Variants in RTN1 observed in about 807,000 individuals in gnomAD.
RTN1 encodes the protein reticulon-1.
Under a neutral mutation model 65.5 loss-of-function variants are expected in RTN1, and 25 were observed. The ratio of observed to expected loss-of-function variants is 0.38; its 90% CI spans 0.28 to 0.53. RTN1 has a LOEUF of 0.53. Ranked by LOEUF, RTN1 falls within the 20% of genes least tolerant of loss-of-function variation. The pLI is 0.79. For missense variants in RTN1, 983 were observed against 1,025.4 expected, an observed-to-expected ratio of 0.96 and a Z score of 0.57; for synonymous variants, 471 against 447.6, an observed-to-expected ratio of 1.05 and a Z score of -0.66.
chr14:59,677,984 C>A (rs1334631546), intron 3 of RTN1, among the ~76,000 whole-genome samples: 3 of 152,200 alleles, frequency 2.0e-5, no homozygotes, highest in Admixed American at 2.0e-4. Flanking sequence ...TTCTCACTCC[C>A]AGGATCTTGG....
intron 1 of RTN1, among the ~76,000 whole-genome samples, chr14:59,826,745 C>A (rs1887038133): frequency 6.6e-6 from 1 of 152,158 alleles, no homozygotes; most frequent in African/African-American, 2.4e-5. Flanking sequence ...TTATTGAGTA[C>A]CTACTCTGTG....
At chr14:59,860,230 G>A (rs745900635) in intron 1 of RTN1, among the ~76,000 whole-genome samples, 41 of 152,338 alleles carry the variant, frequency 2.7e-4, no homozygotes, top group Admixed American at 1.4e-3. Context: ...TAGGGACTTG[G>A]TGCCCTGCTT....
intron 3 of RTN1, among the ~76,000 whole-genome samples, chr14:59,688,565 C>G (rs1394652959): frequency 6.6e-6 from 1 of 152,154 alleles, no homozygotes; most frequent in East Asian, 1.9e-4. Flanking sequence ...GAGAACTTCT[C>G]CCGGTAAGCA....
intron 1 of RTN1, among the ~76,000 whole-genome samples, chr14:59,850,717 C>T (rs1456473376): frequency 1.3e-5 from 2 of 152,132 alleles, no homozygotes; most frequent in Non-Finnish European, 1.5e-5. Flanking sequence ...ATGCAAATAA[C>T]AATAATTGAT....
At chr14:59,828,302 T>C (rs1887068244) in intron 1 of RTN1, among the ~76,000 whole-genome samples, 1 of 152,218 alleles carries the variant, frequency 6.6e-6, no homozygotes, top group Non-Finnish European at 1.5e-5. Flanking sequence ...TTGGGTTAAC[T>C]ATACATCATT....
At chr14:59,633,417 T>G (rs535553476) in intron 3 of RTN1, among the ~76,000 whole-genome samples, 1 of 152,384 alleles carries the variant, frequency 6.6e-6, no homozygotes, top group African/African-American at 2.4e-5. Flanking sequence ...CCTCTCATAA[T>G]TATAATACAA....
Position 59,816,335 on chromosome 14 carries a change from C to T in RTN1, c.241+54055G>A, listed in dbSNP as rs1361161840. On this transcript the variant is annotated intron_variant, in intron 1 of 8. Transcript: ENST00000267484. The surrounding 1 kb of genome is among the most constrained non-coding windows in gnomAD (Gnocchi z 4.3). Reference sequence around the variant, plus strand: ...TTCCCTGGAAGCCTCTGTCCACTCTCGCCCATCTCCACTTTGTCCATTTCT... The same window carrying T: ...TTCCCTGGAAGCCTCTGTCCACTCTTGCCCATCTCCACTTTGTCCATTTCT... Among the ~76,000 whole-genome samples, 1 of 152,110 alleles carries T rather than the reference C, an allele frequency of 6.6e-6. No homozygotes were observed. The highest frequency in any genetic ancestry group is 1.5e-5 in the Non-Finnish European group (1 of 68,022).
intron 1 of RTN1, among the ~76,000 whole-genome samples, chr14:59,773,504 CA>C (rs1447741893): frequency 6.6e-6 from 1 of 152,082 alleles, no homozygotes; most frequent in Non-Finnish European, 1.5e-5. Context: ...TTAACCACAG[CA>C]ATATTTATTT....
chr14:59,745,656 G>A, intron 2 of RTN1, 52 bp downstream of exon 2: 1 of 1,448,692 alleles, frequency 6.9e-7, no homozygotes, highest in East Asian at 2.3e-5. Flanking sequence ...TTTAGGGATT[G>A]AGATTTCCAT....
intron 3 of RTN1, among the ~76,000 whole-genome samples, chr14:59,662,847 T>A (rs902131520): frequency 6.6e-6 from 1 of 152,164 alleles, no homozygotes; most frequent in Admixed American, 6.5e-5. Context: ...CTGCCCAAAG[T>A]AATTTATGGA....
intron 3 of RTN1, among the ~76,000 whole-genome samples, chr14:59,695,642 A>G (rs993883159): frequency 2.0e-5 from 3 of 152,156 alleles, no homozygotes; most frequent in African/African-American, 7.2e-5. Context: ...CAGATCTGGG[A>G]TTTATTTGTT....
At chr14:59,791,089 C>T (rs573114017) in intron 1 of RTN1, among the ~76,000 whole-genome samples, 1 of 152,108 alleles carries the variant, frequency 6.6e-6, no homozygotes, top group Non-Finnish European at 1.5e-5. Context: ...TTCTTTATAG[C>T]GAAAAGCAAT....
At chr14:59,777,023 C>G (rs930696705) in intron 1 of RTN1, among the ~76,000 whole-genome samples, 1 of 152,108 alleles carries the variant, frequency 6.6e-6, no homozygotes, top group Non-Finnish European at 1.5e-5. Context: ...AACAGGCAAG[C>G]GTTCATTACG....
chr14:59,849,800 G>A lies in RTN1; in HGVS notation c.241+20590C>T, dbSNP rs1887471938. Among the ~76,000 whole-genome samples the A allele has an allele frequency of 6.6e-6, 1 of 152,166 alleles. No homozygotes were observed. Among genetic ancestry groups the A allele is most frequent in the East Asian group, 1.9e-4 (1 of 5,196 alleles). On this transcript the variant is annotated intron_variant, in intron 1 of 8. Transcript: ENST00000267484. The surrounding 1 kb of genome is among the most constrained non-coding windows in gnomAD (Gnocchi z 4.5). The stretch of plus-strand genomic sequence containing the variant: ...AGAACTCCCACTCTCACTTACTCCA[G>A]GTTCTAGAATTTAGCCAAGTCTTCT...
At chr14:59,649,206 T>A (rs8007367) in intron 3 of RTN1, among the ~76,000 whole-genome samples, 61,346 of 152,016 alleles carry the variant, frequency 0.4, 12,972 homozygotes, top group African/African-American at 0.51. Flanking sequence ...GCTAGCCATA[T>A]GCAGAAAACT....
intron 3 of RTN1, among the ~76,000 whole-genome samples, chr14:59,726,621 C>T (rs1594702659): frequency 6.6e-6 from 1 of 152,212 alleles, no homozygotes; most frequent in Non-Finnish European, 1.5e-5. Flanking sequence ...AATGGAAAGA[C>T]AGGCGCATGC....
At chr14:59,629,765 A>C (rs932383113) in intron 3 of RTN1, among the ~76,000 whole-genome samples, 1 of 152,176 alleles carries the variant, frequency 6.6e-6, no homozygotes, top group Admixed American at 6.5e-5. Flanking sequence ...TAAATCTGTT[A>C]TACCAAGGGC....
At chr14:59,712,241 A>C (rs1299422361) in intron 3 of RTN1, among the ~76,000 whole-genome samples, 1 of 152,184 alleles carries the variant, frequency 6.6e-6, no homozygotes, top group Non-Finnish European at 1.5e-5. Context: ...AAGATAACAA[A>C]AATCTATATA....
At chr14:59,635,420 A>G (rs1209083865) in intron 3 of RTN1, among the ~76,000 whole-genome samples, 1 of 152,238 alleles carries the variant, frequency 6.6e-6, no homozygotes, top group Non-Finnish European at 1.5e-5. Flanking sequence ...AACCTTAGAA[A>G]TGAATTGCAT....
Sources: allele counts gnomAD v4.1 joint callset (sites outside exome capture counted in the v4.1 genomes callset), GRCh38; gene constraint gnomAD v4.1.1; non-coding constraint Gnocchi (gnomAD v3.1); transcripts MANE v1.5; gene names NCBI Gene and HGNC (gene_info 2026-07-23, HGNC 2026-07-21).